The following SYCE1 variants were observed in gnomAD, a reference collection of about 807,000 sequenced individuals.
SYCE1 encodes the protein synaptonemal complex central element protein 1.
In SYCE1, 37 loss-of-function variants were observed where a neutral mutation model predicts 55.1. That is an observed-to-expected ratio of 0.67 (90% CI 0.52 to 0.88). The LOEUF (loss-of-function observed/expected upper bound fraction) is 0.88, where lower values mean the gene tolerates loss of function less well. Among genes scored for constraint, SYCE1 ranks in the 40% least tolerant of loss-of-function variants. The pLI is 0.00. For synonymous variants in SYCE1, 163 were observed against 159.4 expected (o/e 1.02, Z -0.17); for missense variants, 399 against 416.4 (o/e 0.96, Z 0.36).
downstream of SYCE1, chr10:133,554,331 G>A (rs772627871): frequency 3.7e-6 from 6 of 1,613,866 alleles, no homozygotes; most frequent in African/African-American, 6.7e-5. Flanking sequence ...CTGGGAGCCT[G>A]TCAAGAAAAG....
chr10:133,559,363 G>C lies in SYCE1; in HGVS notation c.137-3C>G. The C allele has an allele frequency of 6.2e-7, 1 of 1,614,022 alleles. No homozygotes were observed. On this transcript the variant is annotated splice_polypyrimidine_tract_variant and splice_region_variant and intron_variant, in intron 2 of 12. Transcript: ENST00000343131. ...AACTCGGGGCTCTAGGCTTCCCACT[G>C]CACGGAGGAAAGGAGGTTGAGTTGA...
chr10:133,558,519 A>G, intron 4 of SYCE1: 1 of 540,166 alleles, frequency 1.9e-6, no homozygotes, highest in South Asian at 2.3e-5. Flanking sequence ...ATCAAATAGG[A>G]TGGGGCATGT....
Position 133,565,478 on chromosome 10 carries a change from C to A in SYCE1, c.52G>T (p.Asp18Tyr). The change falls in exon 1 of 13, where the codon GAC (aspartate) becomes TAC (tyrosine). Residue 18 changes from aspartate (D) to tyrosine (Y), a missense_variant. By Grantham distance (160) the Asp-to-Tyr change is radical. Transcript: ENST00000343131. ...SKAEPTAGAV[D>Y]RAEKAGGQDT... Reference sequence around the variant, plus strand: ...CTACCTCCGGCCTTCTCAGCCCTGTCCACGGCTCCTGCGGTGGGCTCGGCC... The same window carrying A: ...CTACCTCCGGCCTTCTCAGCCCTGTACACGGCTCCTGCGGTGGGCTCGGCC... 6.5e-7 allele frequency: 1 copy of A among 1,550,258 alleles called. No homozygotes were observed. The highest frequency in any genetic ancestry group is 2.4e-5 in the East Asian group (1 of 40,844).
At chr10:133,562,378 A>C (rs189275570) in intron 1 of SYCE1, among the ~76,000 whole-genome samples, 1 of 147,800 alleles carries the variant, frequency 6.8e-6, no homozygotes. Context: ...TTTTTTGGGC[A>C]AAAGTTTTTT....
intron 2 of SYCE1, 31 bp downstream of exon 2, chr10:133,560,060 G>T (rs750852768): frequency 5.0e-5 from 81 of 1,607,080 alleles, no homozygotes; most frequent in Non-Finnish European, 6.5e-5. Flanking sequence ...CCAAACCTCA[G>T]GCTGTGCCTC....
At chr10:133,557,796 T>A in intron 6 of SYCE1, 68 bp downstream of exon 6, 1 of 1,558,596 alleles carries the variant, frequency 6.4e-7, no homozygotes, top group Non-Finnish European at 8.8e-7. Context: ...AGATTCATCT[T>A]CCTGCCTCTT....
chr10:133,556,724 T>C (rs762157693), intron 8 of SYCE1, 35 bp downstream of exon 8: 7 of 1,550,970 alleles, frequency 4.5e-6, no homozygotes, highest in Non-Finnish European at 6.1e-6. Flanking sequence ...CTAGGGAAGA[T>C]GTGGAAGGGG....
Position 133,555,913 on chromosome 10 carries a change from A to G in SYCE1, c.596-10T>C. 1 of 1,613,822 alleles carries G rather than the reference A, an allele frequency of 6.2e-7. No homozygotes were observed. Among genetic ancestry groups the G allele is most frequent in the South Asian group, 1.1e-5 (1 of 91,008 alleles). ...GCCTTGACCAGCTTCTCTGCAGCAC[A>G]AAGGGGCAGGTGAGCACATGAAGGC... is the stretch of plus-strand genomic sequence containing the variant. On this transcript the variant is annotated splice_polypyrimidine_tract_variant and intron_variant, in intron 9 of 12. Coordinates refer to ENST00000343131, the MANE Select transcript of SYCE1 (RefSeq NM_001143764.3).
intron 12 of SYCE1, 81 bp downstream of exon 12, chr10:133,555,270 C>G: frequency 6.3e-7 from 1 of 1,592,992 alleles, no homozygotes; most frequent in African/African-American, 1.3e-5. Context: ...AGTCCCAGGA[C>G]CCCCTCCCTT....
chr10:133,559,890 A>G, intron 2 of SYCE1: 1 of 571,914 alleles, frequency 1.7e-6, no homozygotes, highest in Non-Finnish European at 3.1e-6. Flanking sequence ...TTTTGGGAAA[A>G]CATTTTGCCT....
intron 2 of SYCE1, chr10:133,559,587 A>T: frequency 1.9e-6 from 1 of 539,736 alleles, no homozygotes; most frequent in Non-Finnish European, 3.3e-6. Context: ...GAAATGAAGT[A>T]GGCCAAGGGA....
intron 6 of SYCE1, chr10:133,557,473 G>T: frequency 2.0e-6 from 1 of 494,712 alleles, no homozygotes; most frequent in East Asian, 3.7e-5. Flanking sequence ...AAATCAGGAG[G>T]TGGAGAAATG....
chr10:133,558,307 G>T lies in SYCE1; in HGVS notation c.272-93C>A, dbSNP rs575026259. On this transcript the variant is annotated intron_variant, in intron 4 of 12. Coordinates refer to ENST00000343131, the MANE Select transcript of SYCE1 (RefSeq NM_001143764.3). Reference sequence around the variant, plus strand: ...ACGGTCACATGGGAAGCTGGGCACAGCCTTGGCCCCAACCCAAATGTGAAC... The same window carrying T: ...ACGGTCACATGGGAAGCTGGGCACATCCTTGGCCCCAACCCAAATGTGAAC... The T allele has an allele frequency of 2.1e-6, 3 of 1,442,204 alleles. No homozygotes were observed. The African/African-American group carries it at 4.2e-5, about 20-fold the overall frequency. The allele number at this position is 1,442,204 out of a possible 1,614,324, so 89.3% of individuals were successfully genotyped here. A position where few individuals can be genotyped will look rare whatever the true frequency, so the allele number is the denominator to read the frequency against.
chr10:133,558,437 C>T (rs1169843521), intron 4 of SYCE1: 5 of 587,478 alleles, frequency 8.5e-6, no homozygotes, highest in Middle Eastern at 4.5e-4. Flanking sequence ...GGAGGATGCT[C>T]GTGCTTTTAC....
chr10:133,566,686 T>C (rs375940976), upstream of SYCE1, among the ~76,000 whole-genome samples: 14 of 149,656 alleles, frequency 9.4e-5, 1 homozygote, highest in African/African-American at 3.4e-4. Context: ...TTGGCTAAGG[T>C]TTGTAAGGGT....
chr10:133,566,832 TAG>T (rs1299894255), upstream of SYCE1, among the ~76,000 whole-genome samples: 4 of 114,052 alleles, frequency 3.5e-5, no homozygotes, highest in South Asian at 3.7e-4. Flanking sequence ...GGTTAAGGGT[TAG>T]GGGTTAGGCT....
In SYCE1 at chr10:133,555,823, C is replaced by A; in HGVS notation, c.676G>T (p.Asp226Tyr). The A allele has an allele frequency of 6.2e-7, 1 of 1,613,832 alleles. No individual in the cohort carries two copies. Among genetic ancestry groups the A allele is most frequent in the South Asian group, 1.1e-5 (1 of 91,066 alleles). The change falls in exon 10 of 13, where the codon GAT becomes TAT. Residue 226 changes from aspartate (D) to tyrosine (Y), a missense_variant. Coordinates refer to ENST00000343131, the MANE Select transcript of SYCE1 (RefSeq NM_001143764.3). Reference sequence around the variant, plus strand: ...TGGCTGCGGAGAAAGAGTCCCTCATCAAGGGTGGAGGGGCCCTCAGCCCCA... The same window carrying A: ...TGGCTGCGGAGAAAGAGTCCCTCATAAAGGGTGGAGGGGCCCTCAGCCCCA... ...LCGAEGPSTLDEGLFLRSQEA... is the reference protein window; with the variant it reads ...LCGAEGPSTLYEGLFLRSQEA...
chr10:133,557,066 C>T lies in SYCE1; in HGVS notation c.464+1G>A. 3 of 1,614,046 alleles carry T rather than the reference C, an allele frequency of 1.9e-6. No homozygotes were observed. Among genetic ancestry groups the T allele is most frequent in the East Asian group, 2.2e-5 (1 of 44,890 alleles). On this transcript the variant is annotated splice_donor_variant, in intron 7 of 12. Coordinates refer to ENST00000343131, the MANE Select transcript of SYCE1 (RefSeq NM_001143764.3). LOFTEE classifies it high-confidence loss of function. ...CCCCTGCCTCAGATGCTAAGGTTTA[C>T]CTCAGCTGTCTCTGTTTGTTCTTCT... is the stretch of plus-strand genomic sequence containing the variant.
Position 133,555,808 on chromosome 10 carries a change from GAA to G in SYCE1, c.689_690del (p.Phe230SerfsTer21), listed in dbSNP as rs777697888. ...EGPSTLDEGLFLRSQEAAATV... is the reference protein window; with the variant it reads ...EGPSTLDEGLXLRSQEAAATV... ...GTGGCTGCAGCCTCCTGGCTGCGGAGAAAGAGTCCCTCATCAAGGGTGGAGGG... is the reference window on the plus strand; with the variant it reads ...GTGGCTGCAGCCTCCTGGCTGCGGAGAGAGTCCCTCATCAAGGGTGGAGGG... On this transcript the variant is annotated frameshift_variant, in exon 10 of 13. Coordinates refer to ENST00000343131, the MANE Select transcript of SYCE1 (RefSeq NM_001143764.3). LOFTEE classifies it high-confidence loss of function. 5 of 1,613,536 alleles carry G rather than the reference GAA, an allele frequency of 3.1e-6. No individual in the cohort carries two copies. Among genetic ancestry groups the G allele is most frequent in the East Asian group, 2.2e-5 (1 of 44,874 alleles).
Sources: allele counts gnomAD v4.1 joint callset (sites outside exome capture counted in the v4.1 genomes callset), GRCh38; gene constraint gnomAD v4.1.1; transcripts MANE v1.5; gene names NCBI Gene and HGNC (gene_info 2026-07-23, HGNC 2026-07-21).